The following MVB12B variants were observed in gnomAD, a reference collection of about 807,000 sequenced individuals.
The protein encoded by MVB12B is multivesicular body subunit 12B, also known as ESCRT-I complex subunit MVB12B.
In MVB12B, 16 loss-of-function variants were observed where a neutral mutation model predicts 41.6. The ratio of observed to expected loss-of-function variants is 0.38; its 90% CI spans 0.26 to 0.58. The LOEUF (loss-of-function observed/expected upper bound fraction) is 0.58. Ranked by LOEUF, MVB12B falls within the 20% of genes least tolerant of loss-of-function variation. The probability of loss-of-function intolerance (pLI) is 0.62; values close to 1 mark genes in which losing one functional copy is unlikely to be tolerated. For missense variants in MVB12B, 274 were observed against 380.2 expected (o/e 0.72, Z 2.32); for synonymous variants, 133 against 139.7 (o/e 0.95, Z 0.34).
intron 2 of MVB12B, among the ~76,000 whole-genome samples, chr9:126,366,166 T>A (rs2118908951): frequency 6.6e-6 from 1 of 152,050 alleles, no homozygotes; most frequent in South Asian, 2.1e-4. Flanking sequence ...TCTCACCAGC[T>A]CCTCCAGCCA....
rs1834065869 is a variant in MVB12B, at chr9:126,506,173, G to A, written c.*2910G>A. The A allele has an allele frequency of 6.6e-6, 1 of 152,630 alleles. No homozygotes were observed. The highest frequency in any genetic ancestry group is 2.1e-4 in the South Asian group (1 of 4,836). 9.5% of individuals were successfully genotyped at this position (152,630 alleles called of 1,614,324 possible). A position where few individuals can be genotyped will look rare whatever the true frequency, so the allele number is the denominator to read the frequency against. ...CGCCACTTGGAGAGATGAGAACCCA[G>A]TGGGGTCACGTAAAGGAATTGCAGG... On this transcript the variant is annotated 3_prime_UTR_variant, in exon 10 of 10. Coordinates refer to ENST00000361171, the MANE Select transcript of MVB12B (RefSeq NM_033446.3).
intron 5 of MVB12B, among the ~76,000 whole-genome samples, chr9:126,394,633 C>A (rs1424749275): frequency 6.6e-6 from 1 of 152,198 alleles, no homozygotes; most frequent in Non-Finnish European, 1.5e-5. Context: ...TTGCAAACAG[C>A]ACCTCCAAAG....
chr9:126,489,439 CGTG>C (rs1833686306), intron 9 of MVB12B, among the ~76,000 whole-genome samples: 1 of 152,202 alleles, frequency 6.6e-6, no homozygotes, highest in African/African-American at 2.4e-5. Flanking sequence ...CCCCAAGAGT[CGTG>C]GTACCTGATG....
intron 6 of MVB12B, among the ~76,000 whole-genome samples, chr9:126,402,094 G>A (rs1013845189): frequency 4.6e-5 from 7 of 152,188 alleles, no homozygotes; most frequent in Non-Finnish European, 1.0e-4. Context: ...ATTTGCCTGT[G>A]AGAAGTTTCT....
chr9:126,363,362 C>T (rs988268640), intron 2 of MVB12B, among the ~76,000 whole-genome samples: 1 of 152,106 alleles, frequency 6.6e-6, no homozygotes, highest in Non-Finnish European at 1.5e-5. Context: ...TATGTGATTA[C>T]AAACTACCGT....
intron 9 of MVB12B, among the ~76,000 whole-genome samples, chr9:126,500,422 A>G (rs185033139): frequency 1.3e-5 from 2 of 150,476 alleles, no homozygotes; most frequent in African/African-American, 4.9e-5. Context: ...CTTTCTGCAC[A>G]GCGTGTGGTC....
chr9:126,363,370 C>T (rs1023625213), intron 2 of MVB12B, among the ~76,000 whole-genome samples: 2 of 152,148 alleles, frequency 1.3e-5, no homozygotes, highest in East Asian at 1.9e-4. Context: ...TACAAACTAC[C>T]GTGTGTGTAG....
At chr9:126,336,754 G>GCGCA (rs1554766432) in intron 1 of MVB12B, among the ~76,000 whole-genome samples, 8,566 of 150,372 alleles carry the variant, frequency 0.057, 312 homozygotes, top group African/African-American at 0.11. Context: ...GTGTGTGCAC[G>GCGCA]CACACACACA....
chr9:126,471,267 A>G (rs971472357), intron 7 of MVB12B, among the ~76,000 whole-genome samples: 1 of 152,156 alleles, frequency 6.6e-6, no homozygotes, highest in Non-Finnish European at 1.5e-5. Flanking sequence ...AATTATCCTC[A>G]TATGACAGAT....
intron 7 of MVB12B, among the ~76,000 whole-genome samples, chr9:126,462,976 A>G (rs1252321310): frequency 6.6e-6 from 1 of 152,264 alleles, no homozygotes; most frequent in Non-Finnish European, 1.5e-5. Context: ...GCAACCAGAC[A>G]GAAGGCAGCT....
At chr9:126,464,615 C>T (rs747649707) in intron 7 of MVB12B, among the ~76,000 whole-genome samples, 11 of 152,208 alleles carry the variant, frequency 7.2e-5, no homozygotes, top group Non-Finnish European at 1.3e-4. Context: ...GGAGAGGGCC[C>T]GGAGGACACT....
intron 1 of MVB12B, among the ~76,000 whole-genome samples, chr9:126,332,822 C>T (rs1829166239): frequency 6.6e-6 from 1 of 152,194 alleles, no homozygotes; most frequent in African/African-American, 2.4e-5. Flanking sequence ...CATTCATAAT[C>T]CATTTATTGA....
intron 7 of MVB12B, among the ~76,000 whole-genome samples, chr9:126,476,945 G>A (rs147633944): frequency 2.8e-4 from 43 of 151,102 alleles, no homozygotes; most frequent in African/African-American, 1.0e-3. Context: ...TAATATATGT[G>A]ATATATATAT....
chr9:126,378,051 G>A (rs1242582729), intron 2 of MVB12B, among the ~76,000 whole-genome samples: 1 of 152,226 alleles, frequency 6.6e-6, no homozygotes, highest in African/African-American at 2.4e-5. Context: ...AAGCTATTGG[G>A]CCTCAAATTC....
At chr9:126,455,410 T>A (rs962448686) in intron 7 of MVB12B, among the ~76,000 whole-genome samples, 3 of 151,914 alleles carry the variant, frequency 2.0e-5, no homozygotes, top group African/African-American at 7.3e-5. Context: ...ATGGTCTCGA[T>A]CGATTTACCT....
rs1833366845 is a variant in MVB12B at position 126,473,668 on chromosome 9, T to C, written c.758-7701T>C. 6.6e-6 allele frequency among the ~76,000 whole-genome samples: 1 copy of C among 152,140 alleles called. No homozygotes were observed. Among genetic ancestry groups the C allele is most frequent in the South Asian group, 2.1e-4 (1 of 4,832 alleles). Reference sequence around the variant, plus strand: ...ACAACCAGATCTCGCGAGGACTCACTCGCTATCACAAGGACAGCACCACGG... The same window carrying C: ...ACAACCAGATCTCGCGAGGACTCACCCGCTATCACAAGGACAGCACCACGG... On this transcript the variant is annotated intron_variant, in intron 7 of 9. Transcript: ENST00000361171. The surrounding 1 kb of genome is among the most constrained non-coding windows in gnomAD (Gnocchi z 4.0).
chr9:126,487,381 C>T (rs746564721), intron 9 of MVB12B, among the ~76,000 whole-genome samples: 8 of 152,186 alleles, frequency 5.3e-5, no homozygotes, highest in Non-Finnish European at 8.8e-5. Flanking sequence ...TCCACTGTCC[C>T]GCTGCTCTGT....
chr9:126,444,847 A>G (rs1832726165), intron 7 of MVB12B, among the ~76,000 whole-genome samples: 1 of 152,000 alleles, frequency 6.6e-6, no homozygotes, highest in Non-Finnish European at 1.5e-5. Context: ...CTTTTAACCA[A>G]CTCATTTGGA....
chr9:126,405,322 G>T (rs1831388205), intron 6 of MVB12B, among the ~76,000 whole-genome samples: 1 of 152,044 alleles, frequency 6.6e-6, no homozygotes, highest in Non-Finnish European at 1.5e-5. Context: ...GCGAGTGCAC[G>T]AGGGCTCTTT....
Sources: gnomAD v4.1 joint callset for allele counts (sites outside exome capture counted in the v4.1 genomes callset) on GRCh38, gnomAD v4.1.1 for gene constraint, Gnocchi (gnomAD v3.1) non-coding constraint, MANE v1.5 for transcripts, NCBI Gene and HGNC (gene_info 2026-07-23, HGNC 2026-07-21) for gene names.